Variants in TMF1 observed in about 807,000 individuals in gnomAD.
TMF1 encodes TATA element modulatory factor.
In TMF1, 71 loss-of-function variants were observed where a neutral mutation model predicts 126.5. That is an observed-to-expected ratio of 0.56 (90% CI 0.46 to 0.68). TMF1 has a LOEUF of 0.68. Among genes scored for constraint, TMF1 ranks in the 30% least tolerant of loss-of-function variants. TMF1 has a pLI of 0.00. For missense variants in TMF1, 1,259 were observed against 1,253.2 expected (o/e 1.00, Z -0.07); for synonymous variants, 461 against 430.5 (o/e 1.07, Z -0.88).
In TMF1 at chr3:69,022,384, C is replaced by T. The variant is rs1228698695; in HGVS notation, c.*793G>A. The T allele has an allele frequency of 6.6e-6, 1 of 152,272 alleles. No homozygotes were observed. The highest frequency in any genetic ancestry group is 6.5e-5 in the Admixed American group (1 of 15,270). The allele number at this position is 152,272 out of a possible 1,614,324, so 9.4% of individuals were successfully genotyped here. ...CATTTTATAGGGTAGTAAAATAATACTTCTTCAAAATCATTTAAATGTTAT... is the reference window on the plus strand; with the variant it reads ...CATTTTATAGGGTAGTAAAATAATATTTCTTCAAAATCATTTAAATGTTAT... On this transcript the variant is annotated 3_prime_UTR_variant, in exon 17 of 17. Coordinates refer to ENST00000398559, the MANE Select transcript of TMF1 (RefSeq NM_007114.3).
At chr3:69,037,252 T>C (rs905184786) in intron 8 of TMF1, among the ~76,000 whole-genome samples, 39 of 152,160 alleles carry the variant, frequency 2.6e-4, no homozygotes, top group African/African-American at 9.4e-4. Flanking sequence ...CCCCGCACTT[T>C]GGGAGGCCAA....
chr3:69,044,656 T>C, intron 2 of TMF1, 61 bp from the exon 3 acceptor site: 1 of 1,029,776 alleles, frequency 9.7e-7, no homozygotes. Context: ...CATTTTTACA[T>C]GCAGGTGTAT....
Position 69,047,938 on chromosome 3 carries a change from G to A in TMF1, c.767C>T (p.Thr256Ile). 6.2e-7 allele frequency: 1 copy of A among 1,613,856 alleles called. No homozygotes were observed. Among genetic ancestry groups the A allele is most frequent in the Non-Finnish European group, 8.5e-7 (1 of 1,180,034 alleles). ...VSTFSSGTST[T>I]SDIEVLDHES... is the part of the protein sequence containing the mutation. ...ATGATCTAAAACTTCAATATCACTG[G>A]TGGTAGAAGTACCTGATGAAAAGGT... Residue 256 changes from threonine (T) to isoleucine (I), a missense_variant, in exon 2 of 17, where the codon ACC (threonine) becomes ATC (isoleucine). By Grantham distance (89) the Thr-to-Ile change is moderately conservative (BLOSUM62 -1). Coordinates refer to ENST00000398559, the MANE Select transcript of TMF1 (RefSeq NM_007114.3).
At chr3:69,037,294 A>G (rs2107462718) in intron 8 of TMF1, among the ~76,000 whole-genome samples, 1 of 152,236 alleles carries the variant, frequency 6.6e-6, no homozygotes, top group Non-Finnish European at 1.5e-5. Context: ...GGAGATTGAG[A>G]CCATCCTGGC....
chr3:69,051,353 T>C (rs551782084), intron 1 of TMF1, among the ~76,000 whole-genome samples: 2 of 152,084 alleles, frequency 1.3e-5, no homozygotes, highest in Admixed American at 1.3e-4. Context: ...TGGGCGCCTG[T>C]AATCCCAGCT....
intron 10 of TMF1, chr3:69,030,680 G>A (rs1436731211): frequency 1.3e-5 from 2 of 152,106 alleles, no homozygotes; most frequent in Non-Finnish European, 1.5e-5. Context: ...GACATAAAAT[G>A]ATGTTCAATA....
chr3:69,023,357 T>A, intron 16 of TMF1, 37 bp from the exon 17 acceptor site: 1 of 1,515,060 alleles, frequency 6.6e-7, no homozygotes, highest in Non-Finnish European at 9.0e-7. Context: ...TTAAAATAAC[T>A]ACACAGAACA....
Position 69,026,049 on chromosome 3 carries a change from T to C in TMF1, c.2806A>G (p.Ser936Gly), listed in dbSNP as rs1274221237. 8 of 1,614,024 alleles carry C rather than the reference T, an allele frequency of 5.0e-6. No individual in the cohort carries two copies. Among genetic ancestry groups the C allele is most frequent in the Non-Finnish European group, 6.8e-6 (8 of 1,180,018 alleles). ...GCCATATCAACACCACTTATTGAAC[T>C]TGAGCGTGACATGGTGGGAGTGCTA... ...VSSTPTMSRS[S>G]SISGVDMAGL... The change falls in exon 14 of 17, where the codon AGT (serine) becomes GGT (glycine). Residue 936 changes from serine to glycine, a missense_variant. Physicochemically the swap from Ser to Gly is moderately conservative, Grantham distance 56. Coordinates refer to ENST00000398559, the MANE Select transcript of TMF1 (RefSeq NM_007114.3).
Position 69,038,315 on chromosome 3 carries a change from A to G in TMF1, c.2151+249T>C, listed in dbSNP as rs374853679. Among the ~76,000 whole-genome samples the G allele has an allele frequency of 2.4e-4, 37 of 152,192 alleles. No homozygotes were observed. The East Asian group carries it at 7.1e-3, about 29-fold the overall frequency. ...TGCATTTTTGCTCTTCTCTTCTAAG[A>G]GGGTTCCTAGCTTTTATAATACTCT... On this transcript the variant is annotated intron_variant, in intron 8 of 16. Transcript: ENST00000398559.
intron 1 of TMF1, among the ~76,000 whole-genome samples, chr3:69,049,391 C>CA (rs1186479703): frequency 6.6e-6 from 1 of 152,092 alleles, no homozygotes; most frequent in Non-Finnish European, 1.5e-5. Context: ...AACAAAACAA[C>CA]AAAAGCCTCA....
chr3:69,034,463 A>G (rs568370857), intron 9 of TMF1, among the ~76,000 whole-genome samples: 1 of 152,210 alleles, frequency 6.6e-6, no homozygotes, highest in East Asian at 1.9e-4. Context: ...ACAGAGCAAG[A>G]CTCTGTCTCA....
intron 1 of TMF1, among the ~76,000 whole-genome samples, chr3:69,051,301 C>T (rs897347159): frequency 7.9e-5 from 12 of 152,028 alleles, no homozygotes; most frequent in Non-Finnish European, 1.5e-4. Context: ...ATAGTGAAAC[C>T]CCGTCCCTAC....
intron 15 of TMF1, 158 bp downstream of exon 15, chr3:69,025,402 G>T: frequency 1.6e-6 from 1 of 612,812 alleles, no homozygotes; most frequent in Non-Finnish European, 2.7e-6. Flanking sequence ...TCTCTTTTTA[G>T]CCTTTATCAT....
rs1249686539 is a variant in TMF1, at chr3:69,022,138, T to A, written c.*1039A>T. 1 of 152,694 alleles carries A rather than the reference T, an allele frequency of 6.5e-6. No individual in the cohort carries two copies. The allele number at this position is 152,694 out of a possible 1,614,324, so 9.5% of individuals were successfully genotyped here. A position where few individuals can be genotyped will look rare whatever the true frequency, so the allele number is the denominator to read the frequency against. ...GCATAGCTACTTTTAAAAGCTATTC[T>A]ATGCTTTCCTTGTGTTTGAAATTTC... On this transcript the variant is annotated 3_prime_UTR_variant, in exon 17 of 17. Transcript: ENST00000398559.
In TMF1 at chr3:69,033,861, C is replaced by T. The variant is rs1280199365; in HGVS notation, c.2245-157G>A. Reference sequence around the variant, plus strand: ...ATTATTAATTTTAGAAACGGGGTCCCGCTCTGTCACCCAGGCTGGAGTGCA... The same window carrying T: ...ATTATTAATTTTAGAAACGGGGTCCTGCTCTGTCACCCAGGCTGGAGTGCA... On this transcript the variant is annotated intron_variant, in intron 9 of 16. Coordinates refer to ENST00000398559, the MANE Select transcript of TMF1 (RefSeq NM_007114.3). The T allele has an allele frequency of 2.1e-5, 14 of 663,624 alleles. 1 individual carries two copies. The highest frequency in any genetic ancestry group is 9.4e-5 in the South Asian group (4 of 42,370). 41.1% of individuals were successfully genotyped at this position (663,624 alleles called of 1,614,324 possible).
intron 13 of TMF1, among the ~76,000 whole-genome samples, chr3:69,026,622 A>AAAAC (rs1235514663): frequency 6.6e-6 from 1 of 151,608 alleles, no homozygotes. Flanking sequence ...CTCAGTCTCC[A>AAAAC]AAACAAACAA....
chr3:69,039,847 CAATG>C (rs2091853761), intron 5 of TMF1, among the ~76,000 whole-genome samples, 154 bp from the exon 6 acceptor site: 1 of 152,164 alleles, frequency 6.6e-6, no homozygotes, highest in African/African-American at 2.4e-5. Flanking sequence ...CAGCAATCAT[CAATG>C]AATGTTAAAA....
intron 10 of TMF1, chr3:69,030,251 G>C: frequency 1.9e-5 from 7 of 367,296 alleles, no homozygotes; most frequent in Non-Finnish European, 3.4e-5. Flanking sequence ...AAGAGTAGTG[G>C]ATCACCAACA....
In TMF1 at chr3:69,025,685, G is replaced by C; in HGVS notation, c.2887C>G (p.Pro963Ala). The C allele has an allele frequency of 6.2e-7, 1 of 1,613,756 alleles. No homozygotes were observed. The highest frequency in any genetic ancestry group is 8.5e-7 in the Non-Finnish European group (1 of 1,179,888). ...CTTCCATTTGCTGATATAGGCATTG[G>C]TCCAAATGAGTGATCATGAGACTCA... The part of the protein sequence containing the change: ...QDESHDHSFG[P>A]MPISANGSNL... The change falls in exon 15 of 17, where the codon CCA becomes GCA. Residue 963 changes from proline (P) to alanine (A), a missense_variant. Coordinates refer to ENST00000398559, the MANE Select transcript of TMF1 (RefSeq NM_007114.3).
Sources: gnomAD v4.1 joint callset for allele counts (sites outside exome capture counted in the v4.1 genomes callset) on GRCh38, gnomAD v4.1.1 for gene constraint, MANE v1.5 for transcripts, NCBI Gene and HGNC (gene_info 2026-07-23, HGNC 2026-07-21) for gene names.